The following GPRIN1 variants were observed in gnomAD, a reference collection of about 807,000 sequenced individuals.
GPRIN1 encodes the protein G protein regulated inducer of neurite outgrowth 1, also known as G protein-regulated inducer of neurite outgrowth 1.
Under a neutral mutation model 2.8 loss-of-function variants are expected in GPRIN1, and 4 were observed. The observed-to-expected ratio is 1.45, with a 90% CI of 0.71 to 3.32. The LOEUF is 3.32. Ranked by LOEUF, GPRIN1 falls within the 30% of genes most tolerant of loss-of-function variation. The pLI is 0.01. For missense variants in GPRIN1, 1,322 were observed against 1,343.4 expected (o/e 0.98, Z 0.25); for synonymous variants, 589 against 589.9 (o/e 1.00, Z 0.02).
chr5:176,597,518 C>A lies in GPRIN1; in HGVS notation c.2317G>T (p.Ala773Ser). The change falls in exon 2 of 2, where the codon GCC becomes TCC. Residue 773 changes from alanine (A) to serine (S), a missense_variant. Ala to Ser is a moderately conservative substitution (Grantham distance 99). Coordinates refer to ENST00000303991, the MANE Select transcript of GPRIN1 (RefSeq NM_052899.3). The surrounding 1 kb of genome is among the most constrained non-coding windows in gnomAD (Gnocchi z 6.1). ...LGQKDLEAAG[A>S]ERSPCPEAAA... ...GCCTCTGGGCAGGGGCTTCTCTCGG[C>A]CCCAGCGGCTTCCAGGTCTTTCTGG... 1.3e-6 allele frequency: 2 copies of A among 1,494,784 alleles called. No individual in the cohort carries two copies. Among genetic ancestry groups the A allele is most frequent in the South Asian group, 1.2e-5 (1 of 81,352 alleles). The allele number at this position is 1,494,784 out of a possible 1,614,324, so 92.6% of individuals were successfully genotyped here.
At position 176,597,239 on chromosome 5, in the gene GPRIN1, C is replaced by T. The variant is rs1396968302; in HGVS notation, c.2596G>A (p.Ala866Thr). The change falls in exon 2 of 2, where the codon GCC becomes ACC. Residue 866 changes from alanine (A) to threonine (T), a missense_variant. Around this residue, in one of 3 missense-constraint regions of GPRIN1, gnomAD observed 1,117 missense variants for 1,128.6 expected, o/e 0.99. Transcript: ENST00000303991. The surrounding 1 kb of genome is among the most constrained non-coding windows in gnomAD (Gnocchi z 6.1). ...DAGLQVSLGAAETRSVATGPM... is the reference protein window; with the variant it reads ...DAGLQVSLGATETRSVATGPM... Reference sequence around the variant, plus strand: ...CCAGTGGCCACGGAGCGCGTCTCGGCGGCGCCCAGCGACACCTGCAGGCCC... The same window carrying T: ...CCAGTGGCCACGGAGCGCGTCTCGGTGGCGCCCAGCGACACCTGCAGGCCC... The T allele has an allele frequency of 2.4e-6, 3 of 1,253,928 alleles. No homozygotes were observed. Among genetic ancestry groups the T allele is most frequent in the Non-Finnish European group, 2.0e-6 (2 of 1,001,138 alleles). 77.7% of individuals were successfully genotyped at this position (1,253,928 alleles called of 1,614,324 possible). A position where few individuals can be genotyped will look rare whatever the true frequency, so the allele number is the denominator to read the frequency against.
In GPRIN1 at chr5:176,602,350, A is replaced by G. The variant is rs1185510004; in HGVS notation, c.-43-2473T>C. ...TACCTGTCACCATCTGACATATCACATATATTCGCTTATTGCTTGTGGTGT... is the reference window on the plus strand; with the variant it reads ...TACCTGTCACCATCTGACATATCACGTATATTCGCTTATTGCTTGTGGTGT... On this transcript the variant is annotated intron_variant, in intron 1 of 1. Coordinates refer to ENST00000303991, the MANE Select transcript of GPRIN1 (RefSeq NM_052899.3). The surrounding 1 kb of genome is among the most constrained non-coding windows in gnomAD (Gnocchi z 4.4). Among the ~76,000 whole-genome samples the G allele has an allele frequency of 6.6e-6, 1 of 152,094 alleles. No homozygotes were observed. The highest frequency in any genetic ancestry group is 1.5e-5 in the Non-Finnish European group (1 of 68,036).
In GPRIN1 at chr5:176,599,514, C is replaced by T. The variant is rs749673252; in HGVS notation, c.321G>A (p.Lys107=). The change falls in exon 2 of 2, where the codon AAG becomes AAA. Residue 107 remains lysine, a synonymous_variant. Transcript: ENST00000303991. ...TCFSPQESPS[K]ETLEAHGASI... The stretch of plus-strand genomic sequence containing the variant: ...AGGCTCCATGTGCCTCCAATGTCTC[C>T]TTGGAGGGTGACTCCTGGGGAGAGA... 5 of 1,608,216 alleles carry T rather than the reference C, an allele frequency of 3.1e-6. No homozygotes were observed. The Admixed American group carries it at 8.4e-5, about 27-fold the overall frequency.
In GPRIN1 at chr5:176,599,884, CAG is replaced by C. The variant is rs758280094; in HGVS notation, c.-43-9_-43-8del. 5.1e-6 allele frequency: 7 copies of C among 1,359,784 alleles called. No homozygotes were observed. Among genetic ancestry groups the C allele is most frequent in the African/African-American group, 4.4e-5 (3 of 68,030 alleles). The allele number at this position is 1,359,784 out of a possible 1,614,324, so 84.2% of individuals were successfully genotyped here. A position where few individuals can be genotyped will look rare whatever the true frequency, so the allele number is the denominator to read the frequency against. On this transcript the variant is annotated splice_region_variant and splice_polypyrimidine_tract_variant and intron_variant, in intron 1 of 1. Coordinates refer to ENST00000303991, the MANE Select transcript of GPRIN1 (RefSeq NM_052899.3). ...CCAAGGCTGCTGTCTGGTTCTGAAA[CAG>C]AGAGAGAGCTGACTCAGACTTCCCA...
At chr5:176,609,748 G>C (rs1561889735) in intron 1 of GPRIN1, among the ~76,000 whole-genome samples, 1 of 151,704 alleles carries the variant, frequency 6.6e-6, no homozygotes, top group Non-Finnish European at 1.5e-5. Context: ...CCCCTCTGAT[G>C]TTCGGCCCAG....
At chr5:176,606,889 G>C (rs1759227386) in intron 1 of GPRIN1, among the ~76,000 whole-genome samples, 1 of 152,216 alleles carries the variant, frequency 6.6e-6, no homozygotes, top group Non-Finnish European at 1.5e-5. Context: ...GCTTGGCTCA[G>C]CTGATAACAT....
intron 1 of GPRIN1, among the ~76,000 whole-genome samples, chr5:176,600,400 C>T (rs1277030129): frequency 6.6e-6 from 1 of 152,152 alleles, no homozygotes; most frequent in Non-Finnish European, 1.5e-5. Flanking sequence ...CTGCGCCCCA[C>T]CCACAGCCTA....
chr5:176,599,448 T>G lies in GPRIN1; in HGVS notation c.387A>C (p.Pro129=), dbSNP rs1759111920. The G allele has an allele frequency of 1.2e-6, 2 of 1,614,214 alleles. No homozygotes were observed. Among genetic ancestry groups the G allele is most frequent in the African/African-American group, 2.7e-5 (2 of 75,068 alleles). The part of the protein sequence containing the change: ...GTPEATTSGK[P]EPVSSVKTEP... Reference sequence around the variant, plus strand: ...CAGTTTTCACGGAGGACACAGGCTCTGGCTTCCCAGACGTGGTGGCTTCTG... The same window carrying G: ...CAGTTTTCACGGAGGACACAGGCTCGGGCTTCCCAGACGTGGTGGCTTCTG... The change falls in exon 2 of 2, where the codon CCA becomes CCC. Residue 129 remains proline, a synonymous_variant. Coordinates refer to ENST00000303991, the MANE Select transcript of GPRIN1 (RefSeq NM_052899.3).
Position 176,597,134 on chromosome 5 carries a change from C to A in GPRIN1, c.2701G>T (p.Val901Leu). 1 of 1,456,834 alleles carries A rather than the reference C, an allele frequency of 6.9e-7. No homozygotes were observed. The allele number at this position is 1,456,834 out of a possible 1,614,324, so 90.2% of individuals were successfully genotyped here. The part of the protein sequence containing the change: ...VRPGSALAAA[V>L]APPEPAEPVR... Reference sequence around the variant, plus strand: ...GGCTCAGCCGGCTCCGGGGGCGCTACAGCGGCCGCCAGCGCTGAGCCGGGC... The same window carrying A: ...GGCTCAGCCGGCTCCGGGGGCGCTAAAGCGGCCGCCAGCGCTGAGCCGGGC... Residue 901 changes from valine to leucine, a missense_variant, in exon 2 of 2, where the codon GTA becomes TTA. Val to Leu is a conservative substitution (Grantham distance 32). Coordinates refer to ENST00000303991, the MANE Select transcript of GPRIN1 (RefSeq NM_052899.3). This position sits in a 1 kb window ranked among gnomAD's most constrained non-coding sequence, Gnocchi z 6.1.
Position 176,598,476 on chromosome 5 carries a change from T to TGGGGATACAGTTCCTGCCTTTCCC in GPRIN1, c.1335_1358dup (p.Ala448_Lys455dup). On this transcript the variant is annotated inframe_insertion, in exon 2 of 2. Transcript: ENST00000303991. ...TGGAGGACACCGGGTCCTCTTTTCC[T>TGGGGATACAGTTCCTGCCTTTCCC]GGGGATACAGTTCCTGCCTTTCCCA... The TGGGGATACAGTTCCTGCCTTTCCC allele has an allele frequency of 3.1e-6, 5 of 1,614,122 alleles. No homozygotes were observed. Among genetic ancestry groups the TGGGGATACAGTTCCTGCCTTTCCC allele is most frequent in the Non-Finnish European group, 4.2e-6 (5 of 1,180,028 alleles).
At chr5:176,600,001 C>T (rs976086830) in intron 1 of GPRIN1, 124 bp from the exon 2 acceptor site, 1 of 530,084 alleles carries the variant, frequency 1.9e-6, no homozygotes, top group Non-Finnish European at 3.0e-6. Flanking sequence ...AGGACCTAGA[C>T]TAAAAACACA....
At chr5:176,609,735 G>C (rs1003574046) in intron 1 of GPRIN1, among the ~76,000 whole-genome samples, 2 of 151,816 alleles carry the variant, frequency 1.3e-5, no homozygotes, top group African/African-American at 2.4e-5. Flanking sequence ...CTGGCCCGCC[G>C]GGCCCCTCTG....
intron 1 of GPRIN1, 121 bp from the exon 2 acceptor site, chr5:176,599,998 A>G (rs1420765360): frequency 1.2e-5 from 7 of 566,384 alleles, no homozygotes; most frequent in Non-Finnish European, 1.9e-5. Flanking sequence ...CAGAGGACCT[A>G]GACTAAAAAC....
intron 1 of GPRIN1, among the ~76,000 whole-genome samples, chr5:176,609,650 C>T (rs1759279362): frequency 6.6e-6 from 1 of 152,078 alleles, no homozygotes; most frequent in Non-Finnish European, 1.5e-5. Flanking sequence ...CACCCCCTCC[C>T]GCGCGGCCAT....
At position 176,597,724 on chromosome 5, in the gene GPRIN1, G is replaced by A. The variant is rs756462755; in HGVS notation, c.2111C>T (p.Ser704Phe). Residue 704 changes from serine to phenylalanine, a missense_variant, in exon 2 of 2, where the codon TCC becomes TTC. By Grantham distance (155) the Ser-to-Phe change is radical. This residue lies in a region of GPRIN1 where 1,117 missense variants were observed against 1,128.6 expected (regional missense o/e 0.99). Coordinates refer to ENST00000303991, the MANE Select transcript of GPRIN1 (RefSeq NM_052899.3). This position sits in a 1 kb window ranked among gnomAD's most constrained non-coding sequence, Gnocchi z 6.1. The stretch of plus-strand genomic sequence containing the variant: ...GGGGACCACCTTCCCCAAGGATGGG[G>A]ACTCCGTTTTTCTGGAAGGTGCAGA... ...ADSAPSRKTE[S>F]PSLGKVVPLS... The A allele has an allele frequency of 1.4e-5, 22 of 1,599,248 alleles. No individual in the cohort carries two copies. The highest frequency in any genetic ancestry group is 2.7e-5 in the African/African-American group (2 of 74,224).
In GPRIN1 at chr5:176,597,884, G is replaced by A; in HGVS notation, c.1951C>T (p.Pro651Ser). The A allele has an allele frequency of 6.2e-7, 1 of 1,613,772 alleles. No individual in the cohort carries two copies. Among genetic ancestry groups the A allele is most frequent in the Non-Finnish European group, 8.5e-7 (1 of 1,179,968 alleles). The change falls in exon 2 of 2, where the codon CCA (proline) becomes TCA (serine). Residue 651 changes from proline to serine, a missense_variant. Coordinates refer to ENST00000303991, the MANE Select transcript of GPRIN1 (RefSeq NM_052899.3). The surrounding 1 kb of genome is among the most constrained non-coding windows in gnomAD (Gnocchi z 6.1). ...KLPGQEGAAA[P>S]GEAGAVCLKK... ...AAACACACAGCCCCTGCTTCCCCTG[G>A]TGCTGCAGCGCCCTCTTGCCCAGGG...
rs932917340 is a variant in GPRIN1 at position 176,602,691 on chromosome 5, C to G, written c.-43-2814G>C. 6.6e-6 allele frequency among the ~76,000 whole-genome samples: 1 copy of G among 152,154 alleles called. No homozygotes were observed. Among genetic ancestry groups the G allele is most frequent in the Non-Finnish European group, 1.5e-5 (1 of 68,042 alleles). On this transcript the variant is annotated intron_variant, in intron 1 of 1. Coordinates refer to ENST00000303991, the MANE Select transcript of GPRIN1 (RefSeq NM_052899.3). This position sits in a 1 kb window ranked among gnomAD's most constrained non-coding sequence, Gnocchi z 4.4. ...CTCTAAGCATGGTCCTAAAGATAGA[C>G]CTGGGGTCCTGAAGATGGTCCTGGG... is the stretch of plus-strand genomic sequence containing the variant.
At position 176,599,421 on chromosome 5, in the gene GPRIN1, C is replaced by G. The variant is rs1467953658; in HGVS notation, c.414G>C (p.Glu138Asp). The G allele has an allele frequency of 6.2e-7, 1 of 1,614,098 alleles. No individual in the cohort carries two copies. Among genetic ancestry groups the G allele is most frequent in the African/African-American group, 1.3e-5 (1 of 74,936 alleles). Residue 138 changes from glutamate (E) to aspartate (D), a missense_variant, in exon 2 of 2, where the codon GAG (glutamate) becomes GAC (aspartate). Transcript: ENST00000303991. The part of the protein sequence containing the change: ...KPEPVSSVKT[E>D]PKSSDDRNPM... ...GATTTCTGTCATCTGAGGATTTGGG[C>G]TCAGTTTTCACGGAGGACACAGGCT... is the stretch of plus-strand genomic sequence containing the variant.
chr5:176,598,222 G>A lies in GPRIN1; in HGVS notation c.1613C>T (p.Thr538Ile). 6.2e-7 allele frequency: 1 copy of A among 1,612,542 alleles called. No homozygotes were observed. Among genetic ancestry groups the A allele is most frequent in the East Asian group, 2.2e-5 (1 of 44,882 alleles). The change falls in exon 2 of 2, where the codon ACA becomes ATA. Residue 538 changes from threonine to isoleucine, a missense_variant. Coordinates refer to ENST00000303991, the MANE Select transcript of GPRIN1 (RefSeq NM_052899.3). ...GAGGGGCTCGGCCTTCCCTGAGGCT[G>A]TGGGAGCCGCCTTTCCAGAGGCCAC... ...GLVASGKAAP[T>I]ASGKAEPLAV...
Sources: gnomAD v4.1 joint callset for allele counts (sites outside exome capture counted in the v4.1 genomes callset) on GRCh38, gnomAD v4.1.1 for gene constraint, gnomAD v4.1.1 regional missense constraint, Gnocchi (gnomAD v3.1) non-coding constraint, MANE v1.5 for transcripts, NCBI Gene and HGNC (gene_info 2026-07-23, HGNC 2026-07-21) for gene names.